G3BP2: variants seen among roughly 807,000 people sequenced by gnomAD.
The protein encoded by G3BP2 is ras GTPase-activating protein-binding protein 2.
A neutral mutation model predicts 56.7 loss-of-function variants in G3BP2; 11 were observed. The observed-to-expected ratio is 0.19, with a 90% CI of 0.12 to 0.32. The LOEUF (loss-of-function observed/expected upper bound fraction) is 0.32, where lower values mean the gene tolerates loss of function less well. G3BP2 is among the 10% of genes least tolerant of loss of function. G3BP2 has a pLI of 1.00. For synonymous variants in G3BP2, 165 were observed against 191.6 expected, an observed-to-expected ratio of 0.86 and a Z score of 1.15; for missense variants, 340 against 610.9, an observed-to-expected ratio of 0.56 and a Z score of 4.67.
At chr4:75,685,822 C>T (rs1718574332) in intron 3 of G3BP2, among the ~76,000 whole-genome samples, 1 of 152,194 alleles carries the variant, frequency 6.6e-6, no homozygotes, top group East Asian at 1.9e-4. Context: ...TGGAAATAAA[C>T]TGTCTCCTTT....
chr4:75,655,924 C>A (rs766322308), intron 5 of G3BP2, 54 bp from the exon 6 acceptor site: 2 of 928,400 alleles, frequency 2.2e-6, no homozygotes, highest in Non-Finnish European at 3.5e-6. Context: ...CAATTTCTAA[C>A]GGACATATTT....
At chr4:75,647,524 A>T (rs1731320506) in intron 9 of G3BP2, among the ~76,000 whole-genome samples, 1 of 152,230 alleles carries the variant, frequency 6.6e-6, no homozygotes, top group South Asian at 2.1e-4. Flanking sequence ...AGTTTTTTGA[A>T]ATTCAAAATT....
In G3BP2 at chr4:75,648,818, TC is replaced by T. The variant is rs1432172080; in HGVS notation, c.826-78del. ...ACCAACCAAAGCACCTAACGACAAG[TC>T]ACTAGCAGACATAACAGTAGTTTTA... is the stretch of plus-strand genomic sequence containing the variant. On this transcript the variant is annotated intron_variant, in intron 8 of 11. Transcript: ENST00000359707. The T allele has an allele frequency of 3.9e-6, 3 of 769,534 alleles. No individual in the cohort carries two copies. In the African/African-American group the frequency reaches 5.2e-5, roughly 13 times the overall value. The allele number at this position is 769,534 out of a possible 1,614,324, so 47.7% of individuals were successfully genotyped here. A position where few individuals can be genotyped will look rare whatever the true frequency, so the allele number is the denominator to read the frequency against.
At chr4:75,720,456 C>T (rs866783548) in intron 3 of G3BP2, among the ~76,000 whole-genome samples, 2 of 146,548 alleles carry the variant, frequency 1.4e-5, no homozygotes, top group Non-Finnish European at 3.0e-5. Flanking sequence ...GAGCTGAGAT[C>T]GCGTCACTGC....
intron 3 of G3BP2, among the ~76,000 whole-genome samples, chr4:75,678,611 T>C (rs148521453): frequency 6.6e-6 from 1 of 152,288 alleles, no homozygotes; most frequent in African/African-American, 2.4e-5. Context: ...ACCCAGGAGT[T>C]TGAGTTCAGC....
intron 3 of G3BP2, among the ~76,000 whole-genome samples, chr4:75,693,100 C>T (rs917117550): frequency 1.3e-5 from 2 of 151,974 alleles, no homozygotes; most frequent in Admixed American, 6.6e-5. Flanking sequence ...AAAAATTAGA[C>T]GGGTGTGGTG....
At chr4:75,718,230 C>T (rs1448014746) in intron 3 of G3BP2, among the ~76,000 whole-genome samples, 1 of 56,312 alleles carries the variant, frequency 1.8e-5, no homozygotes, top group African/African-American at 9.9e-5. Flanking sequence ...TTTCTTCTTT[C>T]TTTCTTTCTT....
intron 3 of G3BP2, among the ~76,000 whole-genome samples, chr4:75,710,638 C>A (rs1719718774): frequency 6.6e-6 from 1 of 152,098 alleles, no homozygotes; most frequent in African/African-American, 2.4e-5. Context: ...AATGATGAAG[C>A]CAGGATTCAA....
At chr4:75,722,121 A>C (rs1321675023) in intron 2 of G3BP2, among the ~76,000 whole-genome samples, 1 of 152,108 alleles carries the variant, frequency 6.6e-6, no homozygotes, top group East Asian at 1.9e-4. Flanking sequence ...GAAGTGGATT[A>C]ATATGTAACT....
At chr4:75,675,145 C>CCTCCACAGTCCA (rs1216531603), upstream of G3BP2, among the ~76,000 whole-genome samples, 7 of 152,296 alleles carry the variant, frequency 4.6e-5, no homozygotes, top group African/African-American at 1.7e-4. Context: ...AGGCAATCTG[C>CCTCCACAGTCCA]CTCCACAGTC....
chr4:75,661,220 C>T (rs1478155071), intron 2 of G3BP2, among the ~76,000 whole-genome samples: 2 of 152,134 alleles, frequency 1.3e-5, no homozygotes, highest in Non-Finnish European at 2.9e-5. Context: ...CCTCCACCTC[C>T]CAGATTCAAG....
At chr4:75,666,596 G>A (rs1733054782) in intron 1 of G3BP2, among the ~76,000 whole-genome samples, 4 of 152,122 alleles carry the variant, frequency 2.6e-5, no homozygotes, top group Non-Finnish European at 1.5e-5. Flanking sequence ...ATCAAACAAC[G>A]TGGTTTGGGT....
rs143005707 is a variant in G3BP2, at chr4:75,660,357, G to A, written c.96-1433C>T. Among the ~76,000 whole-genome samples, 135 of 152,180 alleles carry A rather than the reference G, an allele frequency of 8.9e-4. 2 individuals carry two copies. Among genetic ancestry groups the A allele is most frequent in the African/African-American group, 3.1e-3 (127 of 41,522 alleles). On this transcript the variant is annotated intron_variant, in intron 2 of 11. Transcript: ENST00000359707. Reference sequence around the variant, plus strand: ...TATTCATTTTGCATTTATTTGAGGGGAAGATACATGTTAGTTACACTTTAT... The same window carrying A: ...TATTCATTTTGCATTTATTTGAGGGAAAGATACATGTTAGTTACACTTTAT...
At chr4:75,699,056 C>T (rs1302836627) in intron 3 of G3BP2, among the ~76,000 whole-genome samples, 2 of 152,112 alleles carry the variant, frequency 1.3e-5, no homozygotes, top group African/African-American at 4.8e-5. Flanking sequence ...ACTCCTCTGT[C>T]CCACTTGTTA....
At position 75,657,750 on chromosome 4, in the gene G3BP2, A is replaced by G. The variant is rs1732219835; in HGVS notation, c.178-20T>C. 6.6e-7 allele frequency: 1 copy of G among 1,514,918 alleles called. No individual in the cohort carries two copies. Among genetic ancestry groups the G allele is most frequent in the East Asian group, 2.3e-5 (1 of 44,174 alleles). 93.8% of individuals were successfully genotyped at this position (1,514,918 alleles called of 1,614,324 possible). A position where few individuals can be genotyped will look rare whatever the true frequency, so the allele number is the denominator to read the frequency against. On this transcript the variant is annotated intron_variant, in intron 3 of 11. Coordinates refer to ENST00000359707, the MANE Select transcript of G3BP2 (RefSeq NM_203505.3). ...TATATCCTTTATTAGGGAGGGAGGG[A>G]AAAATATAAACTCTGTGATACTGCA...
chr4:75,722,366 A>G (rs899965124), intron 1 of G3BP2, among the ~76,000 whole-genome samples: 1 of 152,224 alleles, frequency 6.6e-6, no homozygotes, highest in Non-Finnish European at 1.5e-5. Flanking sequence ...TGTACCCACC[A>G]AAGTTTAAAA....
intron 3 of G3BP2, among the ~76,000 whole-genome samples, chr4:75,681,876 C>T (rs888044324): frequency 6.0e-5 from 9 of 149,326 alleles, no homozygotes; most frequent in Non-Finnish European, 1.3e-4. Context: ...AAAATTATAA[C>T]AATATGCCAG....
upstream of G3BP2, chr4:75,673,556 G>A: frequency 1.6e-6 from 2 of 1,232,122 alleles, no homozygotes; most frequent in Non-Finnish European, 2.0e-6. Context: ...AGCACGCGCA[G>A]TACGCTGCCG....
At chr4:75,654,571 A>C (rs1731943415) in intron 7 of G3BP2, among the ~76,000 whole-genome samples, 1 of 152,226 alleles carries the variant, frequency 6.6e-6, no homozygotes, top group South Asian at 2.1e-4. Flanking sequence ...AGAAAGATAA[A>C]AGAAGTTTCA....
Sources: gnomAD v4.1 joint callset for allele counts (sites outside exome capture counted in the v4.1 genomes callset) on GRCh38, gnomAD v4.1.1 for gene constraint, MANE v1.5 for transcripts, NCBI Gene and HGNC (gene_info 2026-07-23, HGNC 2026-07-21) for gene names.